The following ZDHHC5 variants were observed in gnomAD, a reference collection of about 807,000 sequenced individuals.
ZDHHC5 encodes palmitoyltransferase ZDHHC5.
In ZDHHC5, 22 loss-of-function variants were observed where a neutral mutation model predicts 70.0. The ratio of observed to expected loss-of-function variants is 0.31; its 90% CI spans 0.22 to 0.45. ZDHHC5 has a LOEUF of 0.45. ZDHHC5 is among the 20% of genes least tolerant of loss of function. ZDHHC5 has a pLI of 1.00. For missense variants in ZDHHC5, 746 were observed against 926.9 expected (o/e 0.80, Z 2.53); for synonymous variants, 313 against 347.8 (o/e 0.90, Z 1.11).
chr11:57,687,062 C>T (rs912300864), intron 3 of ZDHHC5, among the ~76,000 whole-genome samples: 1 of 151,988 alleles, frequency 6.6e-6, no homozygotes, highest in African/African-American at 2.4e-5. Context: ...AACTCCTGGC[C>T]TCAAGTCATC....
intron 2 of ZDHHC5, among the ~76,000 whole-genome samples, chr11:57,680,277 T>G (rs1412700789): frequency 2.0e-5 from 3 of 152,094 alleles, no homozygotes; most frequent in Non-Finnish European, 4.4e-5. Flanking sequence ...CCCAGGAGGC[T>G]GGGGTGGGAG....
In ZDHHC5 at chr11:57,673,090, C is replaced by T. The variant is rs145925852; in HGVS notation, c.-1C>T. 8.7e-6 allele frequency: 14 copies of T among 1,613,956 alleles called. No individual in the cohort carries two copies. Among genetic ancestry groups the T allele is most frequent in the Non-Finnish European group, 1.1e-5 (13 of 1,179,886 alleles). On this transcript the variant is annotated 5_prime_UTR_variant, in exon 2 of 12. Coordinates refer to ENST00000287169, the MANE Select transcript of ZDHHC5 (RefSeq NM_015457.3). ...GGCAGATTTCCCATCAGAGCTCCAA[C>T]ATGCCCGCAGAGTCTGGAAAGAGAT...
intron 3 of ZDHHC5, among the ~76,000 whole-genome samples, chr11:57,688,227 CT>C (rs746436250): frequency 6.6e-6 from 1 of 152,166 alleles, no homozygotes; most frequent in Non-Finnish European, 1.5e-5. Flanking sequence ...TATTCATATA[CT>C]TAAACCAAAT....
intron 9 of ZDHHC5, 98 bp downstream of exon 9, chr11:57,696,141 A>C: frequency 6.7e-7 from 1 of 1,482,174 alleles, no homozygotes; most frequent in South Asian, 1.4e-5. Context: ...GGGAGATATT[A>C]CTCGTGTTGT....
chr11:57,696,580 T>C (rs1946354392), intron 9 of ZDHHC5, among the ~76,000 whole-genome samples, 181 bp from the exon 10 acceptor site: 1 of 152,106 alleles, frequency 6.6e-6, no homozygotes, highest in East Asian at 1.9e-4. Context: ...TAGCTGGGCA[T>C]GGTGGCATAT....
chr11:57,693,894 G>A lies in ZDHHC5; in HGVS notation c.864G>A (p.Gln288=), dbSNP rs753763230. ...ITVKIMDNGI[Q]GELRRTKSKG... ...TGAAGATCATGGATAATGGCATCCA[G>A]GGAGAGCTGAGGAGAACAAAGGTGA... Residue 288 remains glutamine, a synonymous_variant, in exon 8 of 12, where the codon CAG becomes CAA. Transcript: ENST00000287169. The A allele has an allele frequency of 1.9e-6, 3 of 1,613,342 alleles. No homozygotes were observed. The South Asian group carries it at 3.3e-5, about 18-fold the overall frequency.
intron 7 of ZDHHC5, 43 bp downstream of exon 7, chr11:57,692,745 C>T: frequency 2.5e-6 from 4 of 1,600,616 alleles, no homozygotes; most frequent in Non-Finnish European, 3.4e-6. Flanking sequence ...TTGGTCAGAA[C>T]TTTTATCTTC....
In ZDHHC5 at chr11:57,672,412, A is replaced by G; in HGVS notation, c.-679A>G. On this transcript the variant is annotated 5_prime_UTR_variant, in exon 2 of 12. Coordinates refer to ENST00000287169, the MANE Select transcript of ZDHHC5 (RefSeq NM_015457.3). The stretch of plus-strand genomic sequence containing the variant: ...CATCAAGAGAGAAATAAATTAAACC[A>G]CCATTGCCAGACTACAAGCCCTGGT... The G allele has an allele frequency of 2.6e-6, 1 of 390,984 alleles. No homozygotes were observed. The highest frequency in any genetic ancestry group is 3.6e-5 in the East Asian group (1 of 27,676). The allele number at this position is 390,984 out of a possible 1,614,324, so 24.2% of individuals were successfully genotyped here.
Position 57,680,878 on chromosome 11 carries a change from C to G in ZDHHC5, c.105-1544C>G, listed in dbSNP as rs530615107. Among the ~76,000 whole-genome samples, 25 of 152,270 alleles carry G rather than the reference C, an allele frequency of 1.6e-4. 1 individual carries two copies. In the South Asian group the frequency reaches 5.2e-3, roughly 32 times the overall value. On this transcript the variant is annotated intron_variant, in intron 2 of 11. Transcript: ENST00000287169. ...CAGAGGAAGAAGCTTCCATGGGGGG[C>G]TTTCTTTGAGGATAGTATAGAACTA...
At chr11:57,689,883 G>A in intron 4 of ZDHHC5, 148 bp from the exon 5 acceptor site, 1 of 1,116,852 alleles carries the variant, frequency 9.0e-7, no homozygotes, top group Non-Finnish European at 1.3e-6. Flanking sequence ...CTCCCTTGCA[G>A]ATTTATAGAG....
Sources: allele counts gnomAD v4.1 joint callset (sites outside exome capture counted in the v4.1 genomes callset), GRCh38; gene constraint gnomAD v4.1.1; transcripts MANE v1.5; gene names NCBI Gene and HGNC (gene_info 2026-07-23, HGNC 2026-07-21).